MLF1: variants seen among roughly 807,000 people sequenced by gnomAD.
The protein encoded by MLF1 is myelodysplasia-myeloid leukemia factor 1.
MLF1 carries 37 observed loss-of-function variants against 38.3 expected under a neutral mutation model. The observed-to-expected ratio is 0.96, with a 90% CI of 0.74 to 1.27. MLF1 has a LOEUF of 1.27. MLF1 is among the 50% of genes most tolerant of loss of function. The pLI, the probability that MLF1 is intolerant of heterozygous loss-of-function variation, is 0.00. For missense variants in MLF1, 331 were observed against 349.2 expected (o/e 0.95, Z 0.42); for synonymous variants, 95 against 106.5 (o/e 0.89, Z 0.66).
chr3:158,581,307 A>C (rs1716311078), intron 1 of MLF1, among the ~76,000 whole-genome samples: 1 of 152,170 alleles, frequency 6.6e-6, no homozygotes, highest in East Asian at 1.9e-4. Context: ...ATTGGAAAAA[A>C]TCTTCTCATG....
rs1418870726 is a variant in MLF1 at position 158,584,197 on chromosome 3, A to G, written c.48-8237A>G. ...GGGAGGGAGAGAAGTCCCCAAAAGGAGAGAGCCAGAGAAGAGTGAGCACCA... is the reference window on the plus strand; with the variant it reads ...GGGAGGGAGAGAAGTCCCCAAAAGGGGAGAGCCAGAGAAGAGTGAGCACCA... On this transcript the variant is annotated intron_variant, in intron 1 of 7. Coordinates refer to ENST00000466246, the MANE Select transcript of MLF1 (RefSeq NM_001369783.1). Among the ~76,000 whole-genome samples, 3 of 152,290 alleles carry G rather than the reference A, an allele frequency of 2.0e-5. No individual in the cohort carries two copies. In the South Asian group the frequency reaches 6.2e-4, roughly 32 times the overall value.
intron 3 of MLF1, among the ~76,000 whole-genome samples, chr3:158,594,058 G>A (rs1451409143): frequency 6.6e-6 from 1 of 151,876 alleles, no homozygotes; most frequent in East Asian, 1.9e-4. Flanking sequence ...TAATTATTTT[G>A]TGCTACAATT....
intron 1 of MLF1, among the ~76,000 whole-genome samples, chr3:158,573,788 T>TG (rs1029296945): frequency 4.8e-5 from 7 of 146,484 alleles, no homozygotes; most frequent in African/African-American, 1.5e-4. Context: ...ACAATATCTG[T>TG]GGGGGGTGTG....
rs59567882 is a variant in MLF1 at position 158,574,684 on chromosome 3, C to CA, written c.47+3355dup. ...GGGCAACAAGAGTGAAACACTGTCT[C>CA]AAAAAAAAAAAAAAAAAAGAATATT... On this transcript the variant is annotated intron_variant, in intron 1 of 7. Transcript: ENST00000466246. Among the ~76,000 whole-genome samples the CA allele has an allele frequency of 2.6e-3, 287 of 108,748 alleles. 4 individuals carry two copies. In the South Asian group the frequency reaches 0.03, roughly 11 times the overall value. 71.3% of individuals were successfully genotyped at this position (108,748 alleles called of 152,430 possible). A position where few individuals can be genotyped will look rare whatever the true frequency, so the allele number is the denominator to read the frequency against.
intron 1 of MLF1, among the ~76,000 whole-genome samples, chr3:158,581,513 T>C (rs1055156798): frequency 3.9e-5 from 6 of 152,200 alleles, no homozygotes; most frequent in African/African-American, 1.4e-4. Context: ...TGGTGAAGTT[T>C]ACAACCCAAG....
chr3:158,589,384 G>C (rs879769521), intron 1 of MLF1, among the ~76,000 whole-genome samples: 1 of 151,802 alleles, frequency 6.6e-6, no homozygotes, highest in Non-Finnish European at 1.5e-5. Flanking sequence ...GCTAATTTTT[G>C]TACTTTTAGT....
intron 3 of MLF1, among the ~76,000 whole-genome samples, chr3:158,594,803 A>G (rs1250071621): frequency 6.6e-6 from 1 of 152,146 alleles, no homozygotes; most frequent in African/African-American, 2.4e-5. Flanking sequence ...GTAGATGGGA[A>G]TGCCACTGAG....
At chr3:158,581,984 A>G (rs1017489697) in intron 1 of MLF1, among the ~76,000 whole-genome samples, 32 of 152,212 alleles carry the variant, frequency 2.1e-4, no homozygotes, top group African/African-American at 6.8e-4. Context: ...GTTCAAGACC[A>G]GCCTGGTCAA....
intron 7 of MLF1, 107 bp from the exon 8 acceptor site, chr3:158,604,990 A>G (rs1438604675): frequency 1.2e-6 from 1 of 847,656 alleles, no homozygotes; most frequent in African/African-American, 1.7e-5. Context: ...GGAATTTTTA[A>G]GATAAAACTT....
At chr3:158,601,502 G>A (rs553118291) in intron 6 of MLF1, among the ~76,000 whole-genome samples, 51 of 151,950 alleles carry the variant, frequency 3.4e-4, no homozygotes, top group Admixed American at 3.3e-4. Context: ...CCCAGGAGGC[G>A]GAGGTTGCAG....
In MLF1 at chr3:158,605,572, T is replaced by A. The variant is rs536342026; in HGVS notation, c.*370T>A. Reference sequence around the variant, plus strand: ...ACTTATAATTAGTTATAAGAAATTATAATGTTAAAAAAGTCTCAGTTTTTA... The same window carrying A: ...ACTTATAATTAGTTATAAGAAATTAAAATGTTAAAAAAGTCTCAGTTTTTA... On this transcript the variant is annotated 3_prime_UTR_variant, in exon 8 of 8. Transcript: ENST00000466246. 112 of 203,634 alleles carry A rather than the reference T, an allele frequency of 5.5e-4. No individual in the cohort carries two copies. The highest frequency in any genetic ancestry group is 1.8e-3 in the South Asian group (10 of 5,410). 12.6% of individuals were successfully genotyped at this position (203,634 alleles called of 1,614,324 possible). A position where few individuals can be genotyped will look rare whatever the true frequency, so the allele number is the denominator to read the frequency against.
chr3:158,574,183 A>G (rs1418353842), intron 1 of MLF1, among the ~76,000 whole-genome samples: 3 of 152,198 alleles, frequency 2.0e-5, no homozygotes, highest in Admixed American at 2.0e-4. Flanking sequence ...GATAATGAAC[A>G]GTGGGAAATG....
intron 1 of MLF1, among the ~76,000 whole-genome samples, chr3:158,592,189 G>A (rs1485884796): frequency 6.6e-6 from 1 of 152,092 alleles, no homozygotes; most frequent in Non-Finnish European, 1.5e-5. Flanking sequence ...CCTGAATGTG[G>A]AGTGCTTTCA....
At chr3:158,579,064 TAAC>T (rs1449772008) in intron 1 of MLF1, among the ~76,000 whole-genome samples, 1 of 152,162 alleles carries the variant, frequency 6.6e-6, no homozygotes, top group Non-Finnish European at 1.5e-5. Flanking sequence ...CATAAATCTT[TAAC>T]AACATTTTCA....
At chr3:158,600,956 T>G (rs1560112068) in intron 6 of MLF1, among the ~76,000 whole-genome samples, 1 of 151,450 alleles carries the variant, frequency 6.6e-6, no homozygotes, top group East Asian at 1.9e-4. Flanking sequence ...ATTAACAAAT[T>G]TAATCATTAA....
At chr3:158,582,790 C>T (rs930578475) in intron 1 of MLF1, 4 of 632,394 alleles carry the variant, frequency 6.3e-6, no homozygotes, top group Non-Finnish European at 1.1e-5. Flanking sequence ...CTCAGACAAA[C>T]AAAAATTTGG....
chr3:158,574,029 G>A (rs1446320451), intron 1 of MLF1, among the ~76,000 whole-genome samples: 10 of 152,230 alleles, frequency 6.6e-5, no homozygotes, highest in Non-Finnish European at 7.4e-5. Context: ...AAACTCTTGA[G>A]CTTAAGTGAT....
intron 1 of MLF1, among the ~76,000 whole-genome samples, chr3:158,585,568 A>T (rs1182534958): frequency 6.6e-6 from 1 of 152,226 alleles, no homozygotes; most frequent in African/African-American, 2.4e-5. Flanking sequence ...GAGATGTCAG[A>T]GGGTAATGCA....
chr3:158,588,478 G>A (rs891778978), intron 1 of MLF1, among the ~76,000 whole-genome samples: 1 of 152,012 alleles, frequency 6.6e-6, no homozygotes, highest in African/African-American at 2.4e-5. Flanking sequence ...GCTGGTGCCT[G>A]TAGTCCCAGC....
Sources: allele counts gnomAD v4.1 joint callset (sites outside exome capture counted in the v4.1 genomes callset), GRCh38; gene constraint gnomAD v4.1.1; transcripts MANE v1.5; gene names NCBI Gene and HGNC (gene_info 2026-07-23, HGNC 2026-07-21).